Variants in NAALADL2 observed in about 807,000 individuals in gnomAD.
NAALADL2 encodes the protein N-acetylated alpha-linked acidic dipeptidase like 2.
NAALADL2 carries 76 observed loss-of-function variants against 87.2 expected under a neutral mutation model. The ratio of observed to expected loss-of-function variants is 0.87; its 90% CI spans 0.72 to 1.05. The LOEUF is 1.05. Among genes scored for constraint, NAALADL2 ranks in the 50% least tolerant of loss-of-function variants. The probability of loss-of-function intolerance (pLI) is 0.00; values close to 1 mark genes in which losing one functional copy is unlikely to be tolerated. For synonymous variants in NAALADL2, 354 were observed against 331.0 expected, an observed-to-expected ratio of 1.07 and a Z score of -0.75; for missense variants, 1,089 against 945.8, an observed-to-expected ratio of 1.15 and a Z score of -1.99.
At chr3:174,455,045 G>T (rs943533200) in intron 1 of NAALADL2, among the ~76,000 whole-genome samples, 1 of 151,468 alleles carries the variant, frequency 6.6e-6, no homozygotes, top group African/African-American at 2.4e-5. Flanking sequence ...TGACAGAGGG[G>T]ATATTACTGC....
intron 1 of NAALADL2, among the ~76,000 whole-genome samples, chr3:174,877,645 T>C (rs1055440724): frequency 6.6e-6 from 1 of 152,130 alleles, no homozygotes; most frequent in African/African-American, 2.4e-5. Flanking sequence ...TTAAGAGTTA[T>C]AACTGTTAAG....
At chr3:174,533,114 G>C (rs897326528) in intron 1 of NAALADL2, among the ~76,000 whole-genome samples, 1 of 147,618 alleles carries the variant, frequency 6.8e-6, no homozygotes, top group East Asian at 2.1e-4. Flanking sequence ...TCTAAAAAAA[G>C]CAAATGTTTA....
intron 2 of NAALADL2, among the ~76,000 whole-genome samples, chr3:175,182,410 CAG>C (rs1320872981): frequency 6.6e-6 from 1 of 151,770 alleles, no homozygotes; most frequent in Non-Finnish European, 1.5e-5. Context: ...TTTTTTGACA[CAG>C]GGTCTCTCTC....
At chr3:174,605,607 T>TG (rs1208501382) in intron 2 of NAALADL2, among the ~76,000 whole-genome samples, 1 of 152,092 alleles carries the variant, frequency 6.6e-6, no homozygotes, top group African/African-American at 2.4e-5. Flanking sequence ...GCAGTGAGGC[T>TG]GGGGGAGGGG....
At chr3:175,244,189 A>G (rs1205418816) in intron 3 of NAALADL2, among the ~76,000 whole-genome samples, 2 of 152,132 alleles carry the variant, frequency 1.3e-5, no homozygotes, top group Non-Finnish European at 2.9e-5. Context: ...TTTTATTCCT[A>G]GTTTGCTTCA....
chr3:175,341,613 A>T (rs1007408740), intron 5 of NAALADL2, among the ~76,000 whole-genome samples: 1 of 152,100 alleles, frequency 6.6e-6, no homozygotes, highest in East Asian at 1.9e-4. Context: ...CACTGTTTAA[A>T]ATTCCCACCA....
intron 11 of NAALADL2, among the ~76,000 whole-genome samples, chr3:175,713,616 C>T (rs1740835164): frequency 6.6e-6 from 1 of 152,112 alleles, no homozygotes; most frequent in South Asian, 2.1e-4. Flanking sequence ...TTGATAAAGG[C>T]AGTTCCTACA....
intron 9 of NAALADL2, among the ~76,000 whole-genome samples, chr3:175,492,599 T>C (rs1465265077): frequency 6.6e-6 from 1 of 152,128 alleles, no homozygotes; most frequent in Non-Finnish European, 1.5e-5. Flanking sequence ...CATTTTTCCA[T>C]GACAATTCCA....
chr3:174,452,983 AT>A (rs1715586538), intron 1 of NAALADL2, among the ~76,000 whole-genome samples: 1 of 152,178 alleles, frequency 6.6e-6, no homozygotes, highest in Non-Finnish European at 1.5e-5. Context: ...AGGAATGAAG[AT>A]TATTGAGATA....
At chr3:175,661,096 T>C (rs1426624547) in intron 11 of NAALADL2, among the ~76,000 whole-genome samples, 1 of 152,004 alleles carries the variant, frequency 6.6e-6, no homozygotes, top group East Asian at 1.9e-4. Context: ...ATGACTACTG[T>C]TTTACATCCC....
chr3:175,562,723 G>A (rs16825952), intron 9 of NAALADL2, among the ~76,000 whole-genome samples: 19,657 of 151,896 alleles, frequency 0.13, 1,375 homozygotes, highest in Middle Eastern at 0.17. Flanking sequence ...AAATGAACAA[G>A]TATGTAATGA....
chr3:174,523,090 T>G (rs541109029), intron 1 of NAALADL2, among the ~76,000 whole-genome samples: 1 of 152,288 alleles, frequency 6.6e-6, no homozygotes, highest in East Asian at 1.9e-4. Flanking sequence ...TGCTGGTACC[T>G]TGCTCTTAGA....
intron 4 of NAALADL2, among the ~76,000 whole-genome samples, chr3:175,293,944 C>T (rs763650872): frequency 6.6e-6 from 1 of 152,094 alleles, no homozygotes; most frequent in African/African-American, 2.4e-5. Context: ...AGTATTCATA[C>T]CATGAAGCCA....
chr3:175,023,479 G>A (rs1751829211), intron 1 of NAALADL2, among the ~76,000 whole-genome samples: 2 of 151,940 alleles, frequency 1.3e-5, no homozygotes, highest in Non-Finnish European at 2.9e-5. Flanking sequence ...GGACGTTCCT[G>A]TTGTCCAGAA....
intron 1 of NAALADL2, among the ~76,000 whole-genome samples, chr3:175,040,764 G>T (rs542630360): frequency 1.3e-5 from 2 of 152,040 alleles, no homozygotes; most frequent in Admixed American, 6.6e-5. Context: ...TCTTTTATAG[G>T]CAAGGCCATA....
intron 11 of NAALADL2, among the ~76,000 whole-genome samples, chr3:175,649,009 C>T (rs1259435560): frequency 1.3e-5 from 2 of 152,178 alleles, no homozygotes; most frequent in Non-Finnish European, 2.9e-5. Flanking sequence ...CTATTGGCTA[C>T]AGAGATAATT....
chr3:174,565,751 G>T (rs1044672831), intron 2 of NAALADL2, among the ~76,000 whole-genome samples: 2 of 151,970 alleles, frequency 1.3e-5, no homozygotes, highest in Non-Finnish European at 2.9e-5. Flanking sequence ...CTGCTAAATT[G>T]TCTTCTGAGG....
chr3:175,288,403 G>A (rs1755245581), intron 4 of NAALADL2, among the ~76,000 whole-genome samples: 1 of 152,162 alleles, frequency 6.6e-6, no homozygotes. Context: ...TACCCAGATT[G>A]ATGTTTAATG....
chr3:175,471,583 A>G, intron 8 of NAALADL2, 56 bp from the exon 9 acceptor site: 1 of 992,686 alleles, frequency 1.0e-6, no homozygotes, highest in Non-Finnish European at 1.5e-6. Flanking sequence ...CTAACTAATA[A>G]AGTAGAATCT....
Sources: gnomAD v4.1 joint callset for allele counts (sites outside exome capture counted in the v4.1 genomes callset) on GRCh38, gnomAD v4.1.1 for gene constraint, MANE v1.5 for transcripts, NCBI Gene and HGNC (gene_info 2026-07-23, HGNC 2026-07-21) for gene names.